PIP: variants seen among roughly 807,000 people sequenced by gnomAD.
PIP encodes prolactin induced protein, also known as prolactin-inducible protein.
A neutral mutation model predicts 12.8 loss-of-function variants in PIP; 9 were observed. The ratio of observed to expected loss-of-function variants is 0.70; its 90% CI spans 0.42 to 1.23. The LOEUF is 1.23. Ranked by LOEUF, PIP falls within the 50% of genes most tolerant of loss-of-function variation. PIP has a pLI of 0.00. For missense variants in PIP, 172 were observed against 179.5 expected (o/e 0.96, Z 0.24); for synonymous variants, 60 against 66.1 (o/e 0.91, Z 0.45).
chr7:143,132,213 T>C lies in PIP; in HGVS notation c.95+2T>C. On this transcript the variant is annotated splice_donor_variant, in intron 1 of 3. Transcript: ENST00000291009. LOFTEE classifies it high-confidence loss of function. Reference sequence around the variant, plus strand: ...GGCCAACAAAGCTCAGGACAACACGTGAGCCATGCCCTTCTCCTCCCCACA... The same window carrying C: ...GGCCAACAAAGCTCAGGACAACACGCGAGCCATGCCCTTCTCCTCCCCACA... 6.2e-7 allele frequency: 1 copy of C among 1,613,420 alleles called. No individual in the cohort carries two copies. The highest frequency in any genetic ancestry group is 8.5e-7 in the Non-Finnish European group (1 of 1,179,452).
chr7:143,134,434 C>G (rs967166883), intron 1 of PIP, among the ~76,000 whole-genome samples: 10 of 150,230 alleles, frequency 6.7e-5, no homozygotes, highest in African/African-American at 2.4e-4. Context: ...AAGGAATCTC[C>G]ACACTGTTTT....
At position 143,139,191 on chromosome 7, in the gene PIP, T is replaced by A; in HGVS notation, c.316+2T>A. On this transcript the variant is annotated splice_donor_variant, in intron 3 of 3. Transcript: ENST00000291009. LOFTEE classifies it high-confidence loss of function. ...TCTACTGGGACTTTTACACCAACAG[T>A]AAGTACAGAAGTTGTCCAAGGAGGG... is the stretch of plus-strand genomic sequence containing the variant. 2 of 1,505,518 alleles carry A rather than the reference T, an allele frequency of 1.3e-6. No homozygotes were observed. The highest frequency in any genetic ancestry group is 1.9e-6 in the Non-Finnish European group (2 of 1,080,500). The allele number at this position is 1,505,518 out of a possible 1,614,324, so 93.3% of individuals were successfully genotyped here.
rs372135044 is a variant in PIP at position 143,139,668 on chromosome 7, C to T, written c.*26C>T. 55 of 1,590,774 alleles carry T rather than the reference C, an allele frequency of 3.5e-5. No homozygotes were observed. Among genetic ancestry groups the T allele is most frequent in the African/African-American group, 3.1e-4 (23 of 74,574 alleles). On this transcript the variant is annotated 3_prime_UTR_variant, in exon 4 of 4. Coordinates refer to ENST00000291009, the MANE Select transcript of PIP (RefSeq NM_002652.3). ...TGGAAGCCCTGTCTGTTTGCCACAC[C>T]CAGGTGATTTCCTCTAAAGAAACTT...
At chr7:143,133,552 C>T (rs191112570) in intron 1 of PIP, among the ~76,000 whole-genome samples, 14 of 152,088 alleles carry the variant, frequency 9.2e-5, no homozygotes, top group Non-Finnish European at 1.6e-4. Context: ...CTCCTGGCCC[C>T]GAACCCAGTC....
chr7:143,132,350 G>T, intron 1 of PIP, 139 bp downstream of exon 1: 2 of 959,634 alleles, frequency 2.1e-6, no homozygotes, highest in Admixed American at 2.6e-5. Context: ...TGGATCTCCT[G>T]CCAGGTTCCA....
chr7:143,137,698 G>A (rs149763165), intron 2 of PIP, among the ~76,000 whole-genome samples: 2,126 of 152,060 alleles, frequency 0.014, 46 homozygotes, highest in African/African-American at 0.048. Flanking sequence ...TCAGGAGTTC[G>A]AGACCAGCTT....
intron 1 of PIP, among the ~76,000 whole-genome samples, chr7:143,134,612 G>A (rs1011589490): frequency 6.6e-6 from 1 of 151,912 alleles, no homozygotes; most frequent in Non-Finnish European, 1.5e-5. Context: ...CTGATCAAGA[G>A]GTTTGCTGGT....
At chr7:143,133,938 C>A (rs1203634154) in intron 1 of PIP, among the ~76,000 whole-genome samples, 1 of 151,206 alleles carries the variant, frequency 6.6e-6, no homozygotes, top group Non-Finnish European at 1.5e-5. Context: ...ATACACTGCA[C>A]CATATTTGTA....
rs1476663146 is a variant in PIP at position 143,137,905 on chromosome 7, A to G, written c.202-1170A>G. ...ACAGAGTGAGACTCTGTCTCTTAGA[A>G]AAAAAAAAAAAAGGGAAACAAGGCA... On this transcript the variant is annotated intron_variant, in intron 2 of 3. Transcript: ENST00000291009. Among the ~76,000 whole-genome samples the G allele has an allele frequency of 6.5e-3, 715 of 109,460 alleles. 8 individuals carry two copies. Among genetic ancestry groups the G allele is most frequent in the African/African-American group, 0.041 (681 of 16,672 alleles). 71.8% of individuals were successfully genotyped at this position (109,460 alleles called of 152,430 possible). A position where few individuals can be genotyped will look rare whatever the true frequency, so the allele number is the denominator to read the frequency against.
At chr7:143,132,282 A>G (rs760372275) in intron 1 of PIP, 71 bp downstream of exon 1, 9 of 1,541,022 alleles carry the variant, frequency 5.8e-6, no homozygotes, top group African/African-American at 5.5e-5. Flanking sequence ...TGGAAATTAC[A>G]TATCTCTTTC....
At chr7:143,134,579 T>C (rs893085385) in intron 1 of PIP, among the ~76,000 whole-genome samples, 10 of 151,856 alleles carry the variant, frequency 6.6e-5, no homozygotes, top group Non-Finnish European at 1.5e-4. Context: ...TGGTATCGCA[T>C]TGTGGTTTTG....
chr7:143,136,302 G>A (rs546306700), intron 2 of PIP, among the ~76,000 whole-genome samples: 14 of 152,074 alleles, frequency 9.2e-5, no homozygotes, highest in African/African-American at 3.1e-4. Context: ...CCTTCTATCA[G>A]GCAGCACAAG....
At chr7:143,139,374 T>C in intron 3 of PIP, 144 bp from the exon 4 acceptor site, 2 of 1,028,544 alleles carry the variant, frequency 1.9e-6, no homozygotes, top group South Asian at 3.0e-5. Flanking sequence ...ACAGAGGCAT[T>C]GAGTGCAAAA....
At chr7:143,134,213 T>C (rs1799276627) in intron 1 of PIP, among the ~76,000 whole-genome samples, 1 of 125,862 alleles carries the variant, frequency 7.9e-6, no homozygotes, top group Non-Finnish European at 1.7e-5. Context: ...TATATATATA[T>C]ATATATATAT....
In PIP at chr7:143,139,184, C is replaced by G. The variant is rs771781460; in HGVS notation, c.311C>G (p.Thr104Ser). ...AAAACCTTCTACTGGGACTTTTACA[C>G]CAACAGTAAGTACAGAAGTTGTCCA... ...NPKTFYWDFY[T>S]NRTVQIAAVV... is the part of the protein sequence containing the mutation. The change falls in exon 3 of 4, where the codon ACC (threonine) becomes AGC (serine). Residue 104 changes from threonine to serine, a missense_variant. Thr to Ser is a moderately conservative substitution (Grantham distance 58, BLOSUM62 1). Coordinates refer to ENST00000291009, the MANE Select transcript of PIP (RefSeq NM_002652.3). 1 of 1,535,488 alleles carries G rather than the reference C, an allele frequency of 6.5e-7. No individual in the cohort carries two copies. The highest frequency in any genetic ancestry group is 1.1e-5 in the South Asian group (1 of 89,722).
chr7:143,136,190 T>C (rs2116569792), intron 2 of PIP, among the ~76,000 whole-genome samples: 1 of 152,118 alleles, frequency 6.6e-6, no homozygotes, highest in East Asian at 1.9e-4. Flanking sequence ...TGATCTCAGA[T>C]GTCACAAGCA....
At chr7:143,136,700 A>C (rs1799313856) in intron 2 of PIP, among the ~76,000 whole-genome samples, 3 of 152,090 alleles carry the variant, frequency 2.0e-5, no homozygotes, top group Admixed American at 2.0e-4. Context: ...TAGGTATAAT[A>C]AGATATGTTT....
At chr7:143,139,274 G>C (rs1000167807) in intron 3 of PIP, 85 bp downstream of exon 3, 13 of 925,684 alleles carry the variant, frequency 1.4e-5, no homozygotes, top group Non-Finnish European at 2.3e-5. Flanking sequence ...GCTGCGAACC[G>C]AGCAGGACCA....
intron 3 of PIP, 114 bp from the exon 4 acceptor site, chr7:143,139,404 T>C (rs1273397245): frequency 7.2e-7 from 1 of 1,392,438 alleles, no homozygotes; most frequent in Non-Finnish European, 9.9e-7. Flanking sequence ...AGGAGACAAA[T>C]TTGCAAAGGA....
Sources: allele counts gnomAD v4.1 joint callset (sites outside exome capture counted in the v4.1 genomes callset), GRCh38; gene constraint gnomAD v4.1.1; transcripts MANE v1.5; gene names NCBI Gene and HGNC (gene_info 2026-07-23, HGNC 2026-07-21).